The following AFP variants were observed in gnomAD, a reference collection of about 807,000 sequenced individuals.
AFP encodes alpha fetoprotein.
Under a neutral mutation model 78.9 loss-of-function variants are expected in AFP, and 64 were observed. That is an observed-to-expected ratio of 0.81 (90% CI 0.66 to 1.00). The LOEUF is 1.00. AFP is among the 50% of genes least tolerant of loss of function. AFP has a pLI of 0.00. For synonymous variants in AFP, 254 were observed against 243.8 expected, an observed-to-expected ratio of 1.04 and a Z score of -0.39; for missense variants, 689 against 703.8, an observed-to-expected ratio of 0.98 and a Z score of 0.24.
chr4:73,454,877 A>G (rs1283223270), intron 13 of AFP, among the ~76,000 whole-genome samples: 1 of 152,164 alleles, frequency 6.6e-6, no homozygotes, highest in Admixed American at 6.5e-5. Flanking sequence ...CAAGAAGATT[A>G]ATGTTCTCTA....
chr4:73,442,072 T>A (rs1719685650), intron 4 of AFP, among the ~76,000 whole-genome samples: 2 of 152,194 alleles, frequency 1.3e-5, no homozygotes, highest in South Asian at 4.1e-4. Flanking sequence ...TCTGGTACCA[T>A]CTGTCAGATA....
In AFP at chr4:73,449,339, G is replaced by A; in HGVS notation, c.1063G>A (p.Val355Ile). ...GEKNIFLASF[V>I]HEYSRRHPQL... ...ATTTTTCTCCACATATTTCAGTTTT[G>A]TTCATGAATATTCAAGAAGACATCC... Residue 355 changes from valine to isoleucine, a missense_variant, in exon 9 of 15, where the codon GTT becomes ATT. Coordinates refer to ENST00000395792, the MANE Select transcript of AFP (RefSeq NM_001134.3). 4 of 1,612,488 alleles carry A rather than the reference G, an allele frequency of 2.5e-6. No individual in the cohort carries two copies. The highest frequency in any genetic ancestry group is 2.5e-6 in the Non-Finnish European group (3 of 1,179,180).
chr4:73,436,397 A>T (rs770133530), intron 1 of AFP, 50 bp downstream of exon 1: 22 of 1,072,904 alleles, frequency 2.1e-5, no homozygotes, highest in Non-Finnish European at 2.7e-5. Context: ...AAAATTTTTT[A>T]AATTATAAAA....
At position 73,447,468 on chromosome 4, in the gene AFP, A is replaced by G. The variant is rs1220571466; in HGVS notation, c.850A>G (p.Ile284Val). 1 of 1,604,380 alleles carries G rather than the reference A, an allele frequency of 6.2e-7. No homozygotes were observed. The highest frequency in any genetic ancestry group is 8.5e-7 in the Non-Finnish European group (1 of 1,175,368). ...VLDCLQDGEK[I>V]MSYICSQQDT... ...TTTATTTTCTCTGTTGCAGGAAAAA[A>G]TCATGTCCTACATATGTTCTCAACA... Residue 284 changes from isoleucine to valine, a missense_variant, in exon 8 of 15, where the codon ATC (isoleucine) becomes GTC (valine). By Grantham distance (29) the Ile-to-Val change is conservative. Transcript: ENST00000395792.
chr4:73,455,891 A>G lies in AFP; in HGVS notation c.*271A>G, dbSNP rs1166711915. The stretch of plus-strand genomic sequence containing the variant: ...AGCATTAAGTGTTGGTTATTATAGG[A>G]GATTAAAGCTATCCAAGGATGGATT... On this transcript the variant is annotated 3_prime_UTR_variant, in exon 15 of 15. Coordinates refer to ENST00000395792, the MANE Select transcript of AFP (RefSeq NM_001134.3). The G allele has an allele frequency of 1.2e-5, 6 of 490,482 alleles. No individual in the cohort carries two copies. The highest frequency in any genetic ancestry group is 2.2e-5 in the Non-Finnish European group (6 of 279,042). 30.4% of individuals were successfully genotyped at this position (490,482 alleles called of 1,614,324 possible). A position where few individuals can be genotyped will look rare whatever the true frequency, so the allele number is the denominator to read the frequency against.
In AFP at chr4:73,447,025, T is replaced by C. The variant is rs2019897; in HGVS notation, c.844-437T>C. Among the ~76,000 whole-genome samples the C allele has an allele frequency of 1.1e-4, 17 of 152,268 alleles. No individual in the cohort carries two copies. The East Asian group carries it at 2.3e-3, about 21-fold the overall frequency. ...AGGGAAGAAAGCAATCAAGTTAATA[T>C]GTTTTCCTTCATTGTATAGTATGTA... is the stretch of plus-strand genomic sequence containing the variant. On this transcript the variant is annotated intron_variant, in intron 7 of 14. Coordinates refer to ENST00000395792, the MANE Select transcript of AFP (RefSeq NM_001134.3).
chr4:73,443,519 T>A, intron 6 of AFP, 75 bp downstream of exon 6: 8 of 1,132,012 alleles, frequency 7.1e-6, no homozygotes, highest in South Asian at 1.2e-5. Flanking sequence ...TTCGTTTTTT[T>A]AATTGTTGCT....
chr4:73,453,514 C>T, intron 12 of AFP: 1 of 450,360 alleles, frequency 2.2e-6, no homozygotes, highest in Non-Finnish European at 4.1e-6. Flanking sequence ...CCTTCCACTA[C>T]ACATAAGTAT....
At chr4:73,455,446 A>T (rs1281455726) in intron 14 of AFP, 156 bp downstream of exon 14, 1 of 683,688 alleles carries the variant, frequency 1.5e-6, no homozygotes, top group Non-Finnish European at 2.5e-6. Flanking sequence ...AAAATTACGC[A>T]CACAATGTTA....
intron 7 of AFP, among the ~76,000 whole-genome samples, chr4:73,445,681 G>A (rs10015577): frequency 3.3e-4 from 50 of 152,234 alleles, no homozygotes; most frequent in African/African-American, 6.0e-4. Context: ...TTAAATGAAC[G>A]AATGCAATAA....
At chr4:73,440,496 A>G (rs1271745350) in intron 3 of AFP, 106 bp from the exon 4 acceptor site, 1 of 927,126 alleles carries the variant, frequency 1.1e-6, no homozygotes, top group Non-Finnish European at 1.7e-6. Context: ...AAAATTTTTC[A>G]GAATCTATAG....
intron 3 of AFP, among the ~76,000 whole-genome samples, chr4:73,440,176 C>T (rs866922364): frequency 6.6e-6 from 1 of 152,070 alleles, no homozygotes; most frequent in Non-Finnish European, 1.5e-5. Context: ...TTAAGCCCAG[C>T]GTGCATTACC....
Position 73,444,977 on chromosome 4 carries a change from T to C in AFP, c.714-16T>C. 1 of 1,593,008 alleles carries C rather than the reference T, an allele frequency of 6.3e-7. No homozygotes were observed. The highest frequency in any genetic ancestry group is 8.6e-7 in the Non-Finnish European group (1 of 1,162,902). On this transcript the variant is annotated splice_polypyrimidine_tract_variant and intron_variant, in intron 6 of 14. Transcript: ENST00000395792. ...ATAACCAAGAAATTAATTTCTAATTTCTTTTTTTTCCCTAGAACTGTTACT... is the reference window on the plus strand; with the variant it reads ...ATAACCAAGAAATTAATTTCTAATTCCTTTTTTTTCCCTAGAACTGTTACT...
chr4:73,450,203 C>T, intron 10 of AFP, 70 bp downstream of exon 10: 1 of 1,239,322 alleles, frequency 8.1e-7, no homozygotes, highest in Non-Finnish European at 1.2e-6. Context: ...CCCCATTCTC[C>T]TCCTTTGGAA....
chr4:73,447,810 T>C, intron 8 of AFP, 134 bp downstream of exon 8: 2 of 755,386 alleles, frequency 2.6e-6, no homozygotes, highest in South Asian at 3.4e-5. Flanking sequence ...TAGAATGTTC[T>C]GAGCCAAAAT....
chr4:73,444,855 G>C, intron 6 of AFP, 138 bp from the exon 7 acceptor site: 1 of 779,748 alleles, frequency 1.3e-6, no homozygotes, highest in Non-Finnish European at 2.0e-6. Context: ...CTTAAAACAT[G>C]TTTCCTTTTC....
intron 14 of AFP, 141 bp downstream of exon 14, chr4:73,455,431 T>G (rs1306730747): frequency 1.4e-6 from 1 of 736,350 alleles, no homozygotes; most frequent in African/African-American, 1.8e-5. Flanking sequence ...TAAAAACACT[T>G]GAACAAAATT....
intron 11 of AFP, 96 bp downstream of exon 11, chr4:73,450,849 T>C: frequency 2.5e-6 from 4 of 1,593,358 alleles, no homozygotes; most frequent in Non-Finnish European, 2.6e-6. Flanking sequence ...TAAAAACCAA[T>C]GTAGAGATGG....
intron 13 of AFP, among the ~76,000 whole-genome samples, 172 bp downstream of exon 13, chr4:73,454,069 T>C (rs1413814728): frequency 2.0e-5 from 3 of 151,812 alleles, no homozygotes; most frequent in Admixed American, 6.6e-5. Flanking sequence ...TCACATTTTC[T>C]TGCTTAATAT....
Sources: allele counts gnomAD v4.1 joint callset (sites outside exome capture counted in the v4.1 genomes callset), GRCh38; gene constraint gnomAD v4.1.1; transcripts MANE v1.5; gene names NCBI Gene and HGNC (gene_info 2026-07-23, HGNC 2026-07-21).